Variants in BRWD3 observed in about 807,000 individuals in gnomAD.
The protein encoded by BRWD3 is bromodomain and WD repeat-containing protein 3.
BRWD3 carries 10 observed loss-of-function variants against 149.7 expected under a neutral mutation model. That is an observed-to-expected ratio of 0.07 (90% CI 0.04 to 0.11). The LOEUF (loss-of-function observed/expected upper bound fraction) is 0.11. Among genes scored for constraint, BRWD3 ranks in the 10% least tolerant of loss-of-function variants. The pLI, the probability that BRWD3 is intolerant of heterozygous loss-of-function variation, is 1.00. For synonymous variants in BRWD3, 504 were observed against 456.7 expected, an observed-to-expected ratio of 1.10 and a Z score of -1.32; for missense variants, 940 against 1,373.2, an observed-to-expected ratio of 0.68 and a Z score of 4.99.
intron 4 of BRWD3, among the ~76,000 whole-genome samples, chrX:80,808,054 TCCCCCCTGC>T (rs2147874573): frequency 3.5e-5 from 1 of 28,537 alleles, no homozygotes; most frequent in East Asian, 1.1e-3. Context: ...CTCCCACGCC[TCCCCCCTGC>T]CCCCCCGCCC....
intron 30 of BRWD3, 102 bp from the exon 31 acceptor site, chrX:80,691,275 C>A: frequency 1.2e-6 from 1 of 858,445 alleles, no homozygotes; most frequent in East Asian, 3.4e-5. Flanking sequence ...GGGTGATATA[C>A]TACTTTTCTA....
intron 8 of BRWD3, among the ~76,000 whole-genome samples, chrX:80,743,346 T>C (rs1488053490): frequency 1.8e-5 from 2 of 111,684 alleles, no homozygotes; most frequent in East Asian, 5.6e-4. Context: ...AGGATATTGG[T>C]CTAAAATTCT....
At chrX:80,784,921 C>G (rs2074093646) in intron 6 of BRWD3, among the ~76,000 whole-genome samples, 1 of 111,607 alleles carries the variant, frequency 9.0e-6, no homozygotes, top group Non-Finnish European at 1.9e-5. Flanking sequence ...ATTGCTGGGT[C>G]AAATGGTATT....
chrX:80,726,095 T>C (rs2073233308), intron 14 of BRWD3, among the ~76,000 whole-genome samples: 1 of 110,052 alleles, frequency 9.1e-6, no homozygotes, highest in Admixed American at 9.6e-5. Flanking sequence ...TAACAACATG[T>C]TTACATGTTA....
intron 3 of BRWD3, 37 bp from the exon 4 acceptor site, chrX:80,808,635 C>G: frequency 8.5e-7 from 1 of 1,171,959 alleles, no homozygotes; most frequent in East Asian, 3.0e-5. Flanking sequence ...GAAGCGGAGG[C>G]AAATGATGAA....
intron 20 of BRWD3, among the ~76,000 whole-genome samples, chrX:80,714,709 T>A (rs894598235): frequency 8.9e-6 from 1 of 112,086 alleles, no homozygotes; most frequent in South Asian, 3.7e-4. Flanking sequence ...TCAGAATAAA[T>A]CTCTTCAAAT....
At chrX:80,734,673 A>G (rs2073378276) in intron 10 of BRWD3, among the ~76,000 whole-genome samples, 3 of 109,997 alleles carry the variant, frequency 2.7e-5, no homozygotes, top group African/African-American at 9.9e-5. Context: ...CTAAAATGAT[A>G]AAATTTTAGG....
intron 35 of BRWD3, among the ~76,000 whole-genome samples, chrX:80,685,884 C>T (rs1040858859): frequency 7.2e-5 from 8 of 111,366 alleles, no homozygotes; most frequent in South Asian, 7.5e-4. Context: ...TAGTGCTGTA[C>T]CTCTTCTCTG....
intron 6 of BRWD3, among the ~76,000 whole-genome samples, chrX:80,767,460 AG>A (rs1051808239): frequency 9.0e-6 from 1 of 111,626 alleles, no homozygotes; most frequent in African/African-American, 3.3e-5. Context: ...CCTGCAGCTG[AG>A]GACCTAACTG....
rs144714021 is a variant in BRWD3 at position 80,760,955 on chromosome X, G to C, written c.431-15226C>G. Reference sequence around the variant, plus strand: ...TCAGCTACTAGGGAGGCTGAGGTGGGAGGATCCCTTGAGCCCAGGAGTTGA... The same window carrying C: ...TCAGCTACTAGGGAGGCTGAGGTGGCAGGATCCCTTGAGCCCAGGAGTTGA... On this transcript the variant is annotated intron_variant, in intron 6 of 40. Coordinates refer to ENST00000373275, the MANE Select transcript of BRWD3 (RefSeq NM_153252.5). Among the ~76,000 whole-genome samples the C allele has an allele frequency of 2.9e-3, 326 of 111,402 alleles. 1 individual carries two copies. The highest frequency in any genetic ancestry group is 9.2e-3 in the Middle Eastern group (2 of 218).
chrX:80,686,721 TCACA>T, intron 35 of BRWD3, 138 bp downstream of exon 35: 1 of 604,447 alleles, frequency 1.7e-6, no homozygotes, highest in Non-Finnish European at 2.6e-6. Context: ...ATCACACTAA[TCACA>T]CTACTACTTT....
chrX:80,756,502 CAAAAAAAAAA>C (rs974549325), intron 6 of BRWD3, among the ~76,000 whole-genome samples: 4 of 41,323 alleles, frequency 9.7e-5, no homozygotes, highest in Admixed American at 4.6e-4. Flanking sequence ...AACTCTGTCT[CAAAAAAAAAA>C]AAAAAAAAAA....
intron 39 of BRWD3, 123 bp from the exon 40 acceptor site, chrX:80,681,622 AAG>A: frequency 1.7e-6 from 1 of 576,072 alleles, no homozygotes; most frequent in Non-Finnish European, 2.8e-6. Context: ...AAGTTTCTCT[AAG>A]AAAATGATAT....
intron 6 of BRWD3, among the ~76,000 whole-genome samples, chrX:80,770,470 C>A (rs1408316913): frequency 1.8e-5 from 2 of 111,545 alleles, no homozygotes; most frequent in Admixed American, 9.5e-5. Flanking sequence ...TAAACATAAT[C>A]CAGCATATAA....
At chrX:80,808,089 A>G (rs939961594) in intron 4 of BRWD3, among the ~76,000 whole-genome samples, 2 of 52,134 alleles carry the variant, frequency 3.8e-5, no homozygotes, top group Non-Finnish European at 6.7e-5. Flanking sequence ...AAAAAAGACC[A>G]AGCCTGGCCT....
intron 6 of BRWD3, among the ~76,000 whole-genome samples, chrX:80,755,190 A>C (rs1469116671): frequency 2.7e-5 from 3 of 111,076 alleles, no homozygotes; most frequent in Non-Finnish European, 5.7e-5. Flanking sequence ...TTTACTTTTA[A>C]AAACCGCTTT....
At chrX:80,703,143 T>C (rs2072814352) in intron 24 of BRWD3, among the ~76,000 whole-genome samples, 2 of 110,872 alleles carry the variant, frequency 1.8e-5, no homozygotes, top group African/African-American at 3.3e-5. Flanking sequence ...TTAATAAATA[T>C]TGGAACATGA....
rs747883826 is a variant in BRWD3, at chrX:80,703,609, A to C, written c.2722-16T>G. Reference sequence around the variant, plus strand: ...GTCCTCCTTTCTAAAACATAAATACACGAAAAGTATATGTATAAAACACAG... The same window carrying C: ...GTCCTCCTTTCTAAAACATAAATACCCGAAAAGTATATGTATAAAACACAG... On this transcript the variant is annotated splice_polypyrimidine_tract_variant and intron_variant, in intron 23 of 40. Coordinates refer to ENST00000373275, the MANE Select transcript of BRWD3 (RefSeq NM_153252.5). 1 of 1,101,637 alleles carries C rather than the reference A, an allele frequency of 9.1e-7. No individual in the cohort carries two copies. Among genetic ancestry groups the C allele is most frequent in the African/African-American group, 1.8e-5 (1 of 55,652 alleles). 90.8% of individuals were successfully genotyped at this position (1,101,637 alleles called of 1,213,427 possible).
At chrX:80,709,644 T>A (rs2072929202) in intron 20 of BRWD3, 67 bp from the exon 21 acceptor site, 1 of 1,021,037 alleles carries the variant, frequency 9.8e-7, no homozygotes, top group Admixed American at 2.6e-5. Flanking sequence ...GGAACATATA[T>A]AAAGCAAATT....
Sources: allele counts gnomAD v4.1 joint callset (sites outside exome capture counted in the v4.1 genomes callset), GRCh38; gene constraint gnomAD v4.1.1; transcripts MANE v1.5; gene names NCBI Gene and HGNC (gene_info 2026-07-23, HGNC 2026-07-21).